Variants in CYP2C19 observed in about 807,000 individuals in gnomAD.
CYP2C19 encodes the protein cytochrome P450 2C19.
A neutral mutation model predicts 40.9 loss-of-function variants in CYP2C19; 59 were observed. That is an observed-to-expected ratio of 1.44 (90% CI 1.17 to 1.79). CYP2C19 has a LOEUF of 1.79. Ranked by LOEUF, CYP2C19 falls within the 40% of genes most tolerant of loss-of-function variation. The probability of loss-of-function intolerance (pLI) is 0.00; values close to 1 mark genes in which losing one functional copy is unlikely to be tolerated. For synonymous variants in CYP2C19, 253 were observed against 208.7 expected, an observed-to-expected ratio of 1.21 and a Z score of -1.83; for missense variants, 754 against 596.9, an observed-to-expected ratio of 1.26 and a Z score of -2.74.
intron 6 of CYP2C19, among the ~76,000 whole-genome samples, chr10:94,821,388 C>G (rs562650688): frequency 2.0e-5 from 3 of 152,160 alleles, no homozygotes; most frequent in Non-Finnish European, 2.9e-5. Context: ...GGAAACTCTT[C>G]TTATTGAAGG....
chr10:94,822,391 A>G (rs1386121280), intron 6 of CYP2C19, among the ~76,000 whole-genome samples: 1 of 152,198 alleles, frequency 6.6e-6, no homozygotes, highest in Non-Finnish European at 1.5e-5. Context: ...TATGGGAGCC[A>G]AAGTCCAAGA....
chr10:94,815,273 G>A (rs1188163747), intron 5 of CYP2C19, among the ~76,000 whole-genome samples: 1 of 152,204 alleles, frequency 6.6e-6, no homozygotes, highest in East Asian at 1.9e-4. Flanking sequence ...GTCTACACAT[G>A]TTGAGAGAAT....
intron 2 of CYP2C19, 32 bp from the exon 3 acceptor site, chr10:94,775,358 C>T (rs754675153): frequency 1.2e-6 from 2 of 1,612,834 alleles, no homozygotes; most frequent in African/African-American, 1.3e-5. Flanking sequence ...TGCCTGGGAT[C>T]TCCCTCCTAG....
intron 5 of CYP2C19, among the ~76,000 whole-genome samples, chr10:94,784,121 C>T (rs1298183931): frequency 2.6e-5 from 4 of 152,048 alleles, no homozygotes; most frequent in African/African-American, 7.2e-5. Flanking sequence ...TATGGGTTTG[C>T]GTGTTATGGA....
Position 94,853,238 on chromosome 10 carries a change from C to CA in CYP2C19, c.*329dup. The CA allele has an allele frequency of 2.7e-6, 1 of 373,754 alleles. No homozygotes were observed. The highest frequency in any genetic ancestry group is 2.5e-5 in the South Asian group (1 of 40,306). The allele number at this position is 373,754 out of a possible 1,614,324, so 23.2% of individuals were successfully genotyped here. A position where few individuals can be genotyped will look rare whatever the true frequency, so the allele number is the denominator to read the frequency against. ...GCATTTCTTCTCTGCATGTTCTAAA[C>CA]AAAAAGCATTATTATTTGCTGAGTC... On this transcript the variant is annotated 3_prime_UTR_variant, in exon 9 of 9. Transcript: ENST00000371321.
In CYP2C19 at chr10:94,792,750, G is replaced by C. The variant is rs548561656; in HGVS notation, c.819+10753G>C. 4.6e-5 allele frequency among the ~76,000 whole-genome samples: 7 copies of C among 152,212 alleles called. No individual in the cohort carries two copies. The South Asian group carries it at 1.2e-3, about 27-fold the overall frequency. On this transcript the variant is annotated intron_variant, in intron 5 of 8. Coordinates refer to ENST00000371321, the MANE Select transcript of CYP2C19 (RefSeq NM_000769.4). The stretch of plus-strand genomic sequence containing the variant: ...TGTTAGTCTGATGGGCTTCCCTTTG[G>C]GGGTAACCCAACCTTTCTCTCTGGC...
intron 6 of CYP2C19, among the ~76,000 whole-genome samples, chr10:94,840,991 T>C (rs1849486390): frequency 6.6e-6 from 1 of 152,198 alleles, no homozygotes. Flanking sequence ...GGATGTCCCT[T>C]TGTTGTCACC....
At chr10:94,806,781 TG>T (rs1848842382) in intron 5 of CYP2C19, among the ~76,000 whole-genome samples, 1 of 150,738 alleles carries the variant, frequency 6.6e-6, no homozygotes, top group Admixed American at 6.6e-5. Flanking sequence ...GCACAATAAT[TG>T]TACATATTTA....
At chr10:94,773,025 C>T (rs1025581290) in intron 1 of CYP2C19, among the ~76,000 whole-genome samples, 8 of 152,172 alleles carry the variant, frequency 5.3e-5, no homozygotes, top group Admixed American at 4.6e-4. Flanking sequence ...TCATGATCCA[C>T]CCGCCTCGGC....
intron 3 of CYP2C19, among the ~76,000 whole-genome samples, chr10:94,777,250 C>T (rs568301433): frequency 6.6e-6 from 1 of 152,258 alleles, no homozygotes; most frequent in Non-Finnish European, 1.5e-5. Flanking sequence ...AGGTTCAATG[C>T]TATTCCCATC....
chr10:94,792,738 G>A (rs529061030), intron 5 of CYP2C19, among the ~76,000 whole-genome samples: 3 of 152,134 alleles, frequency 2.0e-5, no homozygotes, highest in South Asian at 4.1e-4. Context: ...TAGTCTGATG[G>A]GCTTCCCTTT....
chr10:94,837,541 G>A lies in CYP2C19; in HGVS notation c.962-5296G>A, dbSNP rs527967222. Among the ~76,000 whole-genome samples the A allele has an allele frequency of 7.9e-5, 12 of 152,264 alleles. No homozygotes were observed. In the South Asian group the frequency reaches 2.5e-3, roughly 32 times the overall value. On this transcript the variant is annotated intron_variant, in intron 6 of 8. Coordinates refer to ENST00000371321, the MANE Select transcript of CYP2C19 (RefSeq NM_000769.4). Reference sequence around the variant, plus strand: ...CCCTAACAGGGGAGTGGGGCTTTCAGGCATAATTAGAAAAGCATGTGAAAA... The same window carrying A: ...CCCTAACAGGGGAGTGGGGCTTTCAAGCATAATTAGAAAAGCATGTGAAAA...
chr10:94,794,064 C>T (rs558492495), intron 5 of CYP2C19, among the ~76,000 whole-genome samples: 19 of 152,216 alleles, frequency 1.2e-4, no homozygotes, highest in African/African-American at 3.9e-4. Context: ...AAGTGGTGGA[C>T]GCCCATCCCC....
chr10:94,781,598 G>A (rs1848478660), intron 4 of CYP2C19, among the ~76,000 whole-genome samples: 1 of 152,006 alleles, frequency 6.6e-6, no homozygotes, highest in Non-Finnish European at 1.5e-5. Flanking sequence ...GCAGGTATAA[G>A]TCTAGGAAAT....
intron 5 of CYP2C19, among the ~76,000 whole-genome samples, chr10:94,815,349 A>G (rs1308828043): frequency 6.6e-6 from 1 of 152,208 alleles, no homozygotes; most frequent in Non-Finnish European, 1.5e-5. Flanking sequence ...GGAGACTCTA[A>G]AAGCATAATT....
intron 5 of CYP2C19, among the ~76,000 whole-genome samples, chr10:94,782,594 G>C (rs537387211): frequency 6.6e-6 from 1 of 152,182 alleles, no homozygotes; most frequent in South Asian, 2.1e-4. Context: ...ATTTGACCCA[G>C]CAATCCAATT....
At chr10:94,796,635 T>A (rs998213455) in intron 5 of CYP2C19, among the ~76,000 whole-genome samples, 1 of 152,194 alleles carries the variant, frequency 6.6e-6, no homozygotes, top group East Asian at 1.9e-4. Context: ...GAGCATGGAA[T>A]GTTCTTCCAT....
At chr10:94,851,443 CAAATAAATAAATAAATAAAT>C (rs71031598) in intron 8 of CYP2C19, among the ~76,000 whole-genome samples, 149 of 143,086 alleles carry the variant, frequency 1.0e-3, no homozygotes, top group East Asian at 6.1e-3. Context: ...TACCAGCACA[CAAATAAATAAATAAATAAAT>C]AAATAAATAA....
intron 5 of CYP2C19, among the ~76,000 whole-genome samples, chr10:94,797,993 C>T (rs1848711968): frequency 6.6e-6 from 1 of 152,032 alleles, no homozygotes; most frequent in South Asian, 2.1e-4. Flanking sequence ...CTATCTCTTT[C>T]AGTACTGCTC....
Sources: gnomAD v4.1 joint callset for allele counts (sites outside exome capture counted in the v4.1 genomes callset) on GRCh38, gnomAD v4.1.1 for gene constraint, MANE v1.5 for transcripts, NCBI Gene and HGNC (gene_info 2026-07-23, HGNC 2026-07-21) for gene names.